ZC3H8: variants seen among roughly 807,000 people sequenced by gnomAD.
ZC3H8 encodes the protein zinc finger CCCH-type containing 8.
A neutral mutation model predicts 42.5 loss-of-function variants in ZC3H8; 27 were observed. That is an observed-to-expected ratio of 0.64 (90% confidence interval 0.47 to 0.88). The LOEUF is 0.88. Ranked by LOEUF, ZC3H8 falls within the 40% of genes least tolerant of loss-of-function variation. ZC3H8 has a pLI of 0.00. For missense variants in ZC3H8, 277 were observed against 336.1 expected (o/e 0.82, Z 1.37); for synonymous variants, 101 against 110.1 (o/e 0.92, Z 0.52).
At chr2:112,251,168 G>GT (rs992320473) in intron 1 of ZC3H8, among the ~76,000 whole-genome samples, 2 of 152,176 alleles carry the variant, frequency 1.3e-5, no homozygotes, top group Non-Finnish European at 2.9e-5. Flanking sequence ...TAAAATATGA[G>GT]TTACACACCA....
At chr2:112,224,093 A>G (rs952693019) in intron 8 of ZC3H8, among the ~76,000 whole-genome samples, 2 of 152,156 alleles carry the variant, frequency 1.3e-5, no homozygotes, top group African/African-American at 2.4e-5. Context: ...GAGCTGAGAT[A>G]GATAATGCCA....
rs1321525475 is a variant in ZC3H8, at chr2:112,217,674, T to C, written c.*16-1206A>G. On this transcript the variant is annotated intron_variant, in intron 8 of 8. Coordinates refer to ENST00000409573, the MANE Select transcript of ZC3H8 (RefSeq NM_032494.3). ...TCACCAATGAATCTTGCCAAAACAG[T>C]CTTTAGGTACAGGAAAGCTTTCAAG... 5.9e-5 allele frequency among the ~76,000 whole-genome samples: 9 copies of C among 152,208 alleles called. No homozygotes were observed. The East Asian group carries it at 1.7e-3, about 29-fold the overall frequency.
rs1684182489 is a variant in ZC3H8 at position 112,212,827 on chromosome 2, A to T, written c.*3657T>A. The T allele has an allele frequency of 6.6e-6, 1 of 152,184 alleles. No homozygotes were observed. The highest frequency in any genetic ancestry group is 1.5e-5 in the Non-Finnish European group (1 of 68,034). The allele number at this position is 152,184 out of a possible 1,614,324, so 9.4% of individuals were successfully genotyped here. ...AATCCTAGCATTCAGCAGGTGCTCA[A>T]CCTGAGATATTCTGATCTTGCCAAA... On this transcript the variant is annotated 3_prime_UTR_variant, in exon 9 of 9. Transcript: ENST00000409573.
At chr2:112,222,656 C>T (rs1684639192) in intron 8 of ZC3H8, among the ~76,000 whole-genome samples, 3 of 152,118 alleles carry the variant, frequency 2.0e-5, no homozygotes, top group African/African-American at 7.2e-5. Flanking sequence ...TATGATTTCA[C>T]TTATATGAGA....
intron 8 of ZC3H8, among the ~76,000 whole-genome samples, chr2:112,225,744 G>GAGAC (rs1412168963): frequency 6.6e-6 from 1 of 152,088 alleles, no homozygotes; most frequent in Non-Finnish European, 1.5e-5. Context: ...TTGAACCCAG[G>GAGAC]AGACGGAAGT....
rs1684169024 is a variant in ZC3H8, at chr2:112,212,399, GA to G, written c.*4084del. ...TTAATGTGTGCTCTTTGCAGGAGCTGAATACAATGAATGTAGTTTTTGGTGA... is the reference window on the plus strand; with the variant it reads ...TTAATGTGTGCTCTTTGCAGGAGCTGATACAATGAATGTAGTTTTTGGTGA... On this transcript the variant is annotated 3_prime_UTR_variant, in exon 9 of 9. Coordinates refer to ENST00000409573, the MANE Select transcript of ZC3H8 (RefSeq NM_032494.3). The G allele has an allele frequency of 6.6e-6, 1 of 152,202 alleles. No homozygotes were observed. Among genetic ancestry groups the G allele is most frequent in the Admixed American group, 6.5e-5 (1 of 15,286 alleles). The allele number at this position is 152,202 out of a possible 1,614,324, so 9.4% of individuals were successfully genotyped here.
At chr2:112,237,503 G>C (rs527908752) in intron 3 of ZC3H8, among the ~76,000 whole-genome samples, 13 of 151,826 alleles carry the variant, frequency 8.6e-5, no homozygotes, top group Non-Finnish European at 1.9e-4. Flanking sequence ...CTGGAGCCTC[G>C]AACTCCTGGG....
At chr2:112,227,450 G>A (rs556433847) in intron 8 of ZC3H8, among the ~76,000 whole-genome samples, 14 of 152,270 alleles carry the variant, frequency 9.2e-5, no homozygotes, top group African/African-American at 1.9e-4. Flanking sequence ...ACCTGAACCC[G>A]CAAGGCCGCG....
intron 2 of ZC3H8, among the ~76,000 whole-genome samples, chr2:112,245,622 C>G (rs1283225544): frequency 1.3e-5 from 2 of 152,172 alleles, no homozygotes; most frequent in African/African-American, 4.8e-5. Flanking sequence ...CCAATGCACT[C>G]CAGCCTGGGT....
chr2:112,231,993 T>C (rs2104653446), intron 6 of ZC3H8, 46 bp from the exon 7 acceptor site: 1 of 1,164,582 alleles, frequency 8.6e-7, no homozygotes, highest in Admixed American at 2.2e-5. Context: ...CCAATTGAAA[T>C]AATGTTATTA....
At chr2:112,218,711 C>T (rs1287435949) in intron 8 of ZC3H8, among the ~76,000 whole-genome samples, 2 of 152,060 alleles carry the variant, frequency 1.3e-5, no homozygotes, top group Admixed American at 6.5e-5. Flanking sequence ...ATGTGTTAAT[C>T]GACTGTTTAT....
intron 1 of ZC3H8, among the ~76,000 whole-genome samples, chr2:112,252,865 C>CGGGCG (rs1685998464): frequency 6.6e-6 from 1 of 152,210 alleles, no homozygotes. Context: ...ACCTCCCAGC[C>CGGGCG]GGGCGCGGTG....
At position 112,223,379 on chromosome 2, in the gene ZC3H8, T is replaced by G. The variant is rs78206673; in HGVS notation, c.*16-6911A>C. 8.5e-3 allele frequency among the ~76,000 whole-genome samples: 1,288 copies of G among 151,578 alleles called. 7 individuals are homozygous for G. The highest frequency in any genetic ancestry group is 0.012 in the Non-Finnish European group (818 of 67,826). ...CAAATTTCTAGAAACACACAAACAATCCTCAAGAATAGAATAAAATAAATA... is the reference window on the plus strand; with the variant it reads ...CAAATTTCTAGAAACACACAAACAAGCCTCAAGAATAGAATAAAATAAATA... On this transcript the variant is annotated intron_variant, in intron 8 of 8. Transcript: ENST00000409573.
At chr2:112,229,151 C>A (rs985460777) in intron 8 of ZC3H8, among the ~76,000 whole-genome samples, 4 of 152,078 alleles carry the variant, frequency 2.6e-5, no homozygotes, top group African/African-American at 9.7e-5. Flanking sequence ...TTGATGGAAA[C>A]TTGACATATA....
chr2:112,227,510 G>A (rs1684895895), intron 8 of ZC3H8, among the ~76,000 whole-genome samples: 1 of 152,164 alleles, frequency 6.6e-6, no homozygotes, highest in African/African-American at 2.4e-5. Flanking sequence ...TGGGGGAGAA[G>A]AGCAAGACTT....
At chr2:112,237,059 G>A (rs542931150) in intron 3 of ZC3H8, among the ~76,000 whole-genome samples, 3 of 152,202 alleles carry the variant, frequency 2.0e-5, no homozygotes, top group Admixed American at 6.5e-5. Context: ...AGAACCTGTC[G>A]CAAAACAAAT....
intron 8 of ZC3H8, among the ~76,000 whole-genome samples, chr2:112,219,270 A>G (rs1359537627): frequency 6.6e-6 from 1 of 152,210 alleles, no homozygotes; most frequent in Non-Finnish European, 1.5e-5. Context: ...TGGAGAGGGT[A>G]GAAATAAACC....
intron 1 of ZC3H8, among the ~76,000 whole-genome samples, chr2:112,250,851 G>T: frequency 6.6e-6 from 1 of 152,202 alleles, no homozygotes; most frequent in East Asian, 1.9e-4. Flanking sequence ...TGCCTTTTGA[G>T]ATTAGGAGCG....
In ZC3H8 at chr2:112,216,357, A is replaced by G. The variant is rs1684319815; in HGVS notation, c.*127T>C. ...ATGGAAGCTGCACATCACCCCAGTC[A>G]CACAAGAGGGCACTCTGAATGAGGA... is the stretch of plus-strand genomic sequence containing the variant. On this transcript the variant is annotated 3_prime_UTR_variant, in exon 9 of 9. Coordinates refer to ENST00000409573, the MANE Select transcript of ZC3H8 (RefSeq NM_032494.3). 1 of 152,390 alleles carries G rather than the reference A, an allele frequency of 6.6e-6. No individual in the cohort carries two copies. The allele number at this position is 152,390 out of a possible 1,614,324, so 9.4% of individuals were successfully genotyped here. A position where few individuals can be genotyped will look rare whatever the true frequency, so the allele number is the denominator to read the frequency against.
Sources: gnomAD v4.1 joint callset for allele counts (sites outside exome capture counted in the v4.1 genomes callset) on GRCh38, gnomAD v4.1.1 for gene constraint, MANE v1.5 for transcripts, NCBI Gene and HGNC (gene_info 2026-07-23, HGNC 2026-07-21) for gene names.